Variants in OR1F1 observed in about 807,000 individuals in gnomAD.
OR1F1 encodes the protein olfactory receptor family 1 subfamily F member 1.
For missense variants in OR1F1, 493 were observed against 376.3 expected (o/e 1.31, Z -2.57); for synonymous variants, 184 against 156.7 (o/e 1.17, Z -1.30).
chr16:3,202,696 T>A (rs1596324746), upstream of OR1F1, among the ~76,000 whole-genome samples: 1 of 126,880 alleles, frequency 7.9e-6, no homozygotes. Context: ...ATAATAATAA[T>A]AATAATAATA....
the OR1F1 span, among the ~76,000 whole-genome samples, chr16:3,194,904 T>A: frequency 6.6e-6 from 1 of 152,200 alleles, no homozygotes; most frequent in Non-Finnish European, 1.5e-5. Flanking sequence ...ATTACAGGCG[T>A]GAGCCACCGC....
chr16:3,202,107 G>C (rs1336326367), upstream of OR1F1, among the ~76,000 whole-genome samples: 1 of 152,096 alleles, frequency 6.6e-6, no homozygotes, highest in African/African-American at 2.4e-5. Context: ...TTGCAGACTA[G>C]GCCTCACTTT....
chr16:3,200,967 A>G (rs1030257697), upstream of OR1F1, among the ~76,000 whole-genome samples: 19 of 152,252 alleles, frequency 1.2e-4, no homozygotes, highest in African/African-American at 4.6e-4. Context: ...ACCATTAAGC[A>G]ATAACTCCCC....
upstream of OR1F1, among the ~76,000 whole-genome samples, chr16:3,203,307 G>A (rs1392462499): frequency 6.6e-6 from 1 of 152,126 alleles, no homozygotes. Flanking sequence ...CTGCATCAAG[G>A]GCTGAGTCTG....
upstream of OR1F1, among the ~76,000 whole-genome samples, chr16:3,203,644 A>G (rs749514887): frequency 1.3e-5 from 2 of 152,166 alleles, no homozygotes; most frequent in Non-Finnish European, 2.9e-5. Flanking sequence ...CGTGCCTATA[A>G]TCCCAGCTAC....
chr16:3,190,597 A>G, the OR1F1 span, among the ~76,000 whole-genome samples: 1 of 152,208 alleles, frequency 6.6e-6, no homozygotes, highest in African/African-American at 2.4e-5. Flanking sequence ...CTGAAAATAC[A>G]AAAATTAGTC....
At chr16:3,202,900 C>T (rs9924261), upstream of OR1F1, among the ~76,000 whole-genome samples, 6,772 of 152,106 alleles carry the variant, frequency 0.045, 504 homozygotes, top group African/African-American at 0.15. Context: ...TTTTCTAAGG[C>T]TATACAACTG....
chr16:3,199,199 A>T, the OR1F1 span, among the ~76,000 whole-genome samples: 1 of 147,448 alleles, frequency 6.8e-6, no homozygotes, highest in Non-Finnish European at 1.5e-5. Flanking sequence ...GCTCCTCAGG[A>T]GGCTGAGACA....
At chr16:3,203,289 C>T (rs1230442293), upstream of OR1F1, among the ~76,000 whole-genome samples, 1 of 152,206 alleles carries the variant, frequency 6.6e-6, no homozygotes, top group Non-Finnish European at 1.5e-5. Flanking sequence ...TTCTTCCAAA[C>T]ATCCTTCCTG....
Position 3,204,293 on chromosome 16 carries a change from G to A in OR1F1, c.47G>A (p.Gly16Glu), listed in dbSNP as rs142486394. 2.9e-3 allele frequency: 4,668 copies of A among 1,613,612 alleles called. 11 individuals carry two copies. Among genetic ancestry groups the A allele is most frequent in the Non-Finnish European group, 3.3e-3 (3,853 of 1,179,798 alleles). The change falls in exon 1 of 1, where the codon GGA (glycine) becomes GAA (glutamate). Residue 16 changes from glycine to glutamate, a missense_variant. Transcript: ENST00000304646. ...AGTGTCTCCGAGTTCCTCCTCCTGG[G>A]ACTCTCCAGGCAGCCCCAGCAGCAG...
At chr16:3,204,223 C>T, upstream of OR1F1, 1 of 1,544,780 alleles carries the variant, frequency 6.5e-7, no homozygotes, top group Non-Finnish European at 8.8e-7. Flanking sequence ...CTTTGTCTGC[C>T]TCTGTGTCCA....
chr16:3,190,973 TC>T, the OR1F1 span, among the ~76,000 whole-genome samples: 109 of 152,098 alleles, frequency 7.2e-4, 2 homozygotes, highest in Non-Finnish European at 1.0e-4. Flanking sequence ...ACCAAATAGT[TC>T]TAGATATAAA....
the OR1F1 span, among the ~76,000 whole-genome samples, chr16:3,191,900 C>A: frequency 6.6e-6 from 1 of 152,172 alleles, no homozygotes; most frequent in Non-Finnish European, 1.5e-5. Flanking sequence ...CAATCCCAGT[C>A]TCCTGTCACT....
upstream of OR1F1, among the ~76,000 whole-genome samples, chr16:3,203,581 T>A (rs760837801): frequency 7.2e-5 from 11 of 152,182 alleles, no homozygotes; most frequent in Non-Finnish European, 1.3e-4. Flanking sequence ...ATGGCCAACA[T>A]GGTGAAACCC....
exon 1 of OR1F1, chr16:3,204,927 G>C (rs746096962): frequency 1.2e-6 from 2 of 1,614,138 alleles, no homozygotes; most frequent in Non-Finnish European, 1.7e-6. Flanking sequence ...CTGTCCTGAA[G>C]GTCCCATCCA....
At chr16:3,197,411 T>C in the OR1F1 span, among the ~76,000 whole-genome samples, 1 of 152,186 alleles carries the variant, frequency 6.6e-6, no homozygotes, top group African/African-American at 2.4e-5. Context: ...GGTTATGTCG[T>C]TGTTGGTTTT....
chr16:3,195,435 C>A, the OR1F1 span, among the ~76,000 whole-genome samples: 2 of 152,128 alleles, frequency 1.3e-5, no homozygotes, highest in Non-Finnish European at 2.9e-5. Flanking sequence ...GGCGCGGTGG[C>A]TCAGAGAGGC....
upstream of OR1F1, among the ~76,000 whole-genome samples, chr16:3,201,965 C>A (rs1349709673): frequency 6.6e-6 from 1 of 152,194 alleles, no homozygotes; most frequent in Non-Finnish European, 1.5e-5. Context: ...ACTCTCAGCA[C>A]ACTGCCTATG....
exon 1 of OR1F1, chr16:3,204,528 C>T (rs1958177990): frequency 3.1e-6 from 5 of 1,614,218 alleles, no homozygotes; most frequent in Non-Finnish European, 4.2e-6. Flanking sequence ...CCATCTCCTT[C>T]TGTGGCTGTC....
Sources: allele counts gnomAD v4.1 joint callset (sites outside exome capture counted in the v4.1 genomes callset), GRCh38; gene constraint gnomAD v4.1.1; transcripts MANE v1.5; gene names NCBI Gene and HGNC (gene_info 2026-07-23, HGNC 2026-07-21).